Variants in TRAPPC2 observed in about 807,000 individuals in gnomAD.
TRAPPC2 encodes sedlin.
Under a neutral mutation model 10.0 loss-of-function variants are expected in TRAPPC2, and 4 were observed. That is an observed-to-expected ratio of 0.40 (90% CI 0.20 to 0.92). TRAPPC2 has a LOEUF of 0.92. TRAPPC2 is among the 40% of genes least tolerant of loss of function. The pLI is 0.35. For missense variants in TRAPPC2, 52 were observed against 108.7 expected (o/e 0.48, Z 2.32); for synonymous variants, 36 against 37.3 (o/e 0.97, Z 0.12).
At chrX:13,729,904 G>A (rs959934992) in intron 2 of TRAPPC2, among the ~76,000 whole-genome samples, 10 of 110,902 alleles carry the variant, frequency 9.0e-5, no homozygotes, top group African/African-American at 1.3e-4. Flanking sequence ...GTGAAACTTC[G>A]TCTCAAAAAA....
chrX:13,722,217 A>AAAAAG (rs2046431472), intron 2 of TRAPPC2: 1 of 97,721 alleles, frequency 1.0e-5, no homozygotes, highest in East Asian at 3.0e-4. Flanking sequence ...GCAAAAAAAA[A>AAAAAG]AAAAAAAAAA....
chrX:13,719,267 A>G (rs766913175), intron 3 of TRAPPC2, among the ~76,000 whole-genome samples: 3 of 109,808 alleles, frequency 2.7e-5, no homozygotes, highest in Non-Finnish European at 5.7e-5. Context: ...AAAATACTCT[A>G]TGGGTCTGAA....
chrX:13,720,108 T>C, intron 2 of TRAPPC2, 126 bp from the exon 3 acceptor site: 1 of 459,399 alleles, frequency 2.2e-6, no homozygotes, highest in Non-Finnish European at 3.4e-6. Context: ...GCTACTAAGC[T>C]TGGCAGTTTC....
At chrX:13,732,536 C>T (rs761787714) in intron 2 of TRAPPC2, among the ~76,000 whole-genome samples, 41 of 112,820 alleles carry the variant, frequency 3.6e-4, no homozygotes, top group Non-Finnish European at 6.0e-4. Context: ...GGAAAGAATG[C>T]TGTGATCAAT....
chrX:13,731,026 C>G (rs2046666546), intron 2 of TRAPPC2, among the ~76,000 whole-genome samples: 1 of 111,355 alleles, frequency 9.0e-6, no homozygotes, highest in Non-Finnish European at 1.9e-5. Context: ...TGTATCAAAC[C>G]TGCATGTTGT....
chrX:13,725,666 A>T (rs1339796898), intron 2 of TRAPPC2, among the ~76,000 whole-genome samples: 1 of 112,645 alleles, frequency 8.9e-6, no homozygotes. Context: ...AAAACAGAAA[A>T]GCTGAAAATT....
At chrX:13,714,608 A>G (rs1432308749) in intron 5 of TRAPPC2, 103 bp from the exon 6 acceptor site, 1 of 442,224 alleles carries the variant, frequency 2.3e-6, no homozygotes, top group African/African-American at 2.5e-5. Context: ...AAGACATTCC[A>G]AAGTCTAAAG....
chrX:13,717,034 T>TAAAAAAA (rs1175025577), intron 3 of TRAPPC2, among the ~76,000 whole-genome samples: 13 of 37,940 alleles, frequency 3.4e-4, no homozygotes, highest in Admixed American at 1.3e-3. Flanking sequence ...GATACTATGT[T>TAAAAAAA]AAAAAAAAAA....
In TRAPPC2 at chrX:13,713,304, G is replaced by A. The variant is rs1428456940; in HGVS notation, c.*1103C>T. The A allele has an allele frequency of 9.2e-6, 1 of 108,824 alleles. No homozygotes were observed. The highest frequency in any genetic ancestry group is 3.4e-5 in the African/African-American group (1 of 29,778). The allele number at this position is 108,824 out of a possible 1,213,427, so 9.0% of individuals were successfully genotyped here. On this transcript the variant is annotated 3_prime_UTR_variant, in exon 6 of 6. Coordinates refer to ENST00000380579, the MANE Select transcript of TRAPPC2 (RefSeq NM_001011658.4). ...GTCTCTACTAAAAACACAAAAATTA[G>A]CCAGGTGTGGTGGTGCATGCCTGTA...
chrX:13,734,103 C>G lies in TRAPPC2; in HGVS notation c.-79G>C, dbSNP rs755373655. The G allele has an allele frequency of 2.3e-5, 12 of 511,802 alleles. No homozygotes were observed. Among genetic ancestry groups the G allele is most frequent in the African/African-American group, 2.3e-4 (10 of 43,190 alleles). The allele number at this position is 511,802 out of a possible 1,213,427, so 42.2% of individuals were successfully genotyped here. A position where few individuals can be genotyped will look rare whatever the true frequency, so the allele number is the denominator to read the frequency against. ...AAACGTTTAGCTCTGTGGATCTCAA[C>G]CCGGAGCGATCTTGCTTCCAAGAGG... is the stretch of plus-strand genomic sequence containing the variant. On this transcript the variant is annotated 5_prime_UTR_variant, in exon 2 of 6. Transcript: ENST00000380579.
At chrX:13,717,056 AAAAAAAAAC>A (rs2046307790) in intron 3 of TRAPPC2, among the ~76,000 whole-genome samples, 2 of 105,456 alleles carry the variant, frequency 1.9e-5, no homozygotes, top group African/African-American at 6.9e-5. Context: ...AAAAAAAAAA[AAAAAAAAAC>A]AAGATCCTGT....
At chrX:13,720,331 C>T (rs1348582540) in intron 2 of TRAPPC2, 1 of 124,603 alleles carries the variant, frequency 8.0e-6, no homozygotes, top group Non-Finnish European at 1.6e-5. Flanking sequence ...TTGGACTGGA[C>T]CAGTTAGTAG....
intron 2 of TRAPPC2, among the ~76,000 whole-genome samples, chrX:13,732,615 G>T (rs765273960): frequency 8.0e-5 from 9 of 112,508 alleles, no homozygotes; most frequent in Non-Finnish European, 1.7e-4. Flanking sequence ...GCTGACTCTG[G>T]ACTACACAGA....
intron 2 of TRAPPC2, among the ~76,000 whole-genome samples, chrX:13,724,375 T>G (rs1324463906): frequency 1.0e-5 from 1 of 96,908 alleles, no homozygotes; most frequent in Admixed American, 1.2e-4. Context: ...AGGCCTACAA[T>G]GAGTTGAAGT....
rs1243889549 is a variant in TRAPPC2, at chrX:13,716,567, C to T, written c.205G>A (p.Glu69Lys). The change falls in exon 4 of 6, where the codon GAG becomes AAG. Residue 69 changes from glutamate to lysine, a missense_variant. Physicochemically the swap from Glu to Lys is moderately conservative, Grantham distance 56. Coordinates refer to ENST00000380579, the MANE Select transcript of TRAPPC2 (RefSeq NM_001011658.4). ...GTGACAAATGCCGACACAAACCACT[C>T]GTTGAACTTGTCCACAGTTTTCAAG... ...MYLKTVDKFNEWFVSAFVTAG... is the reference protein window; with the variant it reads ...MYLKTVDKFNKWFVSAFVTAG... The T allele has an allele frequency of 8.3e-7, 1 of 1,210,079 alleles. No individual in the cohort carries two copies. The highest frequency in any genetic ancestry group is 2.2e-5 in the Admixed American group (1 of 45,788).
chrX:13,715,089 T>A (rs1463226825), intron 5 of TRAPPC2, among the ~76,000 whole-genome samples: 1 of 112,890 alleles, frequency 8.9e-6, no homozygotes, highest in Non-Finnish European at 1.9e-5. Context: ...TAAATATTAC[T>A]TACTACCTCT....
At chrX:13,716,725 T>C in intron 3 of TRAPPC2, 47 bp from the exon 4 acceptor site, 1 of 1,178,026 alleles carries the variant, frequency 8.5e-7, no homozygotes. Flanking sequence ...GCATATGGCA[T>C]CGAGAATGCT....
At position 13,715,913 on chromosome X, in the gene TRAPPC2, C is replaced by G. The variant is rs905006789; in HGVS notation, c.324+91G>C. ...GAAAGCTAGTCTGAAAGGTAAACTG[C>G]AGCCTAAGGGAGTTACTTCAATAGG... On this transcript the variant is annotated intron_variant, in intron 5 of 5. Transcript: ENST00000380579. 2.1e-5 allele frequency: 22 copies of G among 1,071,865 alleles called. No homozygotes were observed. In the African/African-American group the frequency reaches 4.0e-4, roughly 19 times the overall value. 88.3% of individuals were successfully genotyped at this position (1,071,865 alleles called of 1,213,427 possible).
chrX:13,722,208 C>CAAAA (rs748574644), intron 2 of TRAPPC2: 1 of 36,116 alleles, frequency 2.8e-5, no homozygotes, highest in Non-Finnish European at 5.1e-5. Flanking sequence ...TAAGCAGCAG[C>CAAAA]AAAAAAAAAA....
Sources: gnomAD v4.1 joint callset for allele counts (sites outside exome capture counted in the v4.1 genomes callset) on GRCh38, gnomAD v4.1.1 for gene constraint, MANE v1.5 for transcripts, NCBI Gene and HGNC (gene_info 2026-07-23, HGNC 2026-07-21) for gene names.